LPP: variants seen among roughly 807,000 people sequenced by gnomAD.
LPP encodes the protein LIM domain containing preferred translocation partner in lipoma.
LPP carries 38 observed loss-of-function variants against 60.4 expected under a neutral mutation model. That is an observed-to-expected ratio of 0.63 (90% CI 0.49 to 0.83). The LOEUF is 0.83. LPP is among the 40% of genes least tolerant of loss of function. The pLI is 0.00. For synonymous variants in LPP, 328 were observed against 290.8 expected (o/e 1.13, Z -1.30); for missense variants, 902 against 783.6 (o/e 1.15, Z -1.80).
At chr3:188,333,105 G>A (rs1193941706) in intron 2 of LPP, among the ~76,000 whole-genome samples, 1 of 152,134 alleles carries the variant, frequency 6.6e-6, no homozygotes, top group East Asian at 1.9e-4. Context: ...ATAATCTCAT[G>A]ATAGTAGAAC....
intron 5 of LPP, among the ~76,000 whole-genome samples, chr3:188,510,692 G>A (rs549866427): frequency 8.5e-5 from 13 of 152,180 alleles, no homozygotes; most frequent in Non-Finnish European, 1.6e-4. Context: ...GACCCTTTGA[G>A]TCTGCTCTTA....
chr3:188,411,827 T>C (rs1784953494), intron 4 of LPP, among the ~76,000 whole-genome samples: 1 of 152,178 alleles, frequency 6.6e-6, no homozygotes, highest in African/African-American at 2.4e-5. Flanking sequence ...AAATGAACTT[T>C]CCTACTGTAC....
At chr3:188,230,294 C>T (rs1719412732) in intron 2 of LPP, among the ~76,000 whole-genome samples, 1 of 152,074 alleles carries the variant, frequency 6.6e-6, no homozygotes, top group African/African-American at 2.4e-5. Context: ...CCACATTGGC[C>T]AGAATGGTCT....
chr3:188,384,929 C>G (rs1471736974), intron 3 of LPP, among the ~76,000 whole-genome samples: 1 of 151,844 alleles, frequency 6.6e-6, no homozygotes, highest in Admixed American at 6.6e-5. Flanking sequence ...TGTGTTTACC[C>G]TATGGGTCAA....
At chr3:188,695,066 G>C (rs773111884) in intron 7 of LPP, among the ~76,000 whole-genome samples, 2 of 152,132 alleles carry the variant, frequency 1.3e-5, no homozygotes, top group Non-Finnish European at 2.9e-5. Context: ...TTGTACTCCA[G>C]CTTTCTCATT....
At chr3:188,635,390 C>T (rs1035265106) in intron 7 of LPP, among the ~76,000 whole-genome samples, 8 of 152,282 alleles carry the variant, frequency 5.3e-5, no homozygotes, top group East Asian at 3.9e-4. Flanking sequence ...ATAAATCTCA[C>T]GAGACAGCTT....
rs117546098 is a variant in LPP, at chr3:188,610,481, A to G, written c.1113+637A>G. Among the ~76,000 whole-genome samples, 12 of 152,378 alleles carry G rather than the reference A, an allele frequency of 7.9e-5. No homozygotes were observed. The East Asian group carries it at 2.3e-3, about 29-fold the overall frequency. ...AGTTTCTCCTTTGAGAAGGGGCTGC[A>G]GTATAATGCAGCTTGTTTGTGACCC... On this transcript the variant is annotated intron_variant, in intron 7 of 11. Coordinates refer to ENST00000617246, the MANE Select transcript of LPP (RefSeq NM_001375462.1). This position sits in a 1 kb window ranked among gnomAD's most constrained non-coding sequence, Gnocchi z 4.4.
At chr3:188,164,762 C>G (rs1445527932) in intron 1 of LPP, among the ~76,000 whole-genome samples, 1 of 152,122 alleles carries the variant, frequency 6.6e-6, no homozygotes, top group Non-Finnish European at 1.5e-5. Context: ...ATCTAGGGTT[C>G]CAGTAGTGAC....
In LPP at chr3:188,305,515, A is replaced by G. The variant is rs187035517; in HGVS notation, c.-66-36148A>G. Among the ~76,000 whole-genome samples the G allele has an allele frequency of 1.6e-4, 25 of 152,296 alleles. No homozygotes were observed. In the South Asian group the frequency reaches 2.9e-3, roughly 18 times the overall value. ...GTCCAGAGAGGCTCACAAAGTGTCA[A>G]TATTTGAGATGAGTTTTACTGGGTC... On this transcript the variant is annotated intron_variant, in intron 2 of 11. Transcript: ENST00000617246.
chr3:188,184,416 G>A (rs1725968794), intron 1 of LPP, among the ~76,000 whole-genome samples: 1 of 152,224 alleles, frequency 6.6e-6, no homozygotes, highest in South Asian at 2.1e-4. Flanking sequence ...GCCAGGGAGT[G>A]TGGGGAGAGA....
chr3:188,617,635 G>C (rs1845105811), intron 7 of LPP, among the ~76,000 whole-genome samples: 1 of 152,106 alleles, frequency 6.6e-6, no homozygotes, highest in Non-Finnish European at 1.5e-5. Flanking sequence ...CATCAGAATG[G>C]ATGTGCTGGT....
chr3:188,161,818 C>T (rs575716725), intron 1 of LPP, among the ~76,000 whole-genome samples: 3 of 152,140 alleles, frequency 2.0e-5, no homozygotes, highest in African/African-American at 7.2e-5. Context: ...GAAACTTGCG[C>T]TTCATACTTA....
chr3:188,837,580 T>C (rs1283605795), intron 9 of LPP, among the ~76,000 whole-genome samples: 1 of 151,968 alleles, frequency 6.6e-6, no homozygotes, highest in Non-Finnish European at 1.5e-5. Context: ...ATTCAGTCTG[T>C]TCTGCCAACC....
chr3:188,760,353 A>G, intron 9 of LPP, 71 bp downstream of exon 9: 1 of 1,500,300 alleles, frequency 6.7e-7, no homozygotes, highest in Non-Finnish European at 9.3e-7. Context: ...GTCACTCTAG[A>G]TAGAATATAG....
intron 4 of LPP, among the ~76,000 whole-genome samples, chr3:188,409,135 G>A (rs1029592044): frequency 2.0e-5 from 3 of 152,152 alleles, no homozygotes; most frequent in African/African-American, 7.2e-5. Flanking sequence ...CTGGGTGAGT[G>A]CACTGCTCAG....
chr3:188,812,265 C>T (rs1560238259), intron 9 of LPP, among the ~76,000 whole-genome samples: 1 of 152,174 alleles, frequency 6.6e-6, no homozygotes, highest in Non-Finnish European at 1.5e-5. Flanking sequence ...CAAAATTCCT[C>T]ACTACAATGC....
intron 7 of LPP, among the ~76,000 whole-genome samples, chr3:188,701,763 T>C (rs915856111): frequency 6.6e-6 from 1 of 151,712 alleles, no homozygotes. Flanking sequence ...TTTTTTTTTT[T>C]GAAAGTGTCA....
intron 9 of LPP, among the ~76,000 whole-genome samples, chr3:188,833,909 G>A (rs915432217): frequency 1.3e-5 from 2 of 152,122 alleles, no homozygotes; most frequent in African/African-American, 4.8e-5. Flanking sequence ...GTATTTTTCA[G>A]GGTGTATTTT....
chr3:188,801,851 T>C (rs141319694), intron 9 of LPP, among the ~76,000 whole-genome samples: 134 of 152,334 alleles, frequency 8.8e-4, no homozygotes, highest in African/African-American at 3.0e-3. Context: ...AATAGCATAG[T>C]ATCTTACAGA....
Sources: gnomAD v4.1 joint callset for allele counts (sites outside exome capture counted in the v4.1 genomes callset) on GRCh38, gnomAD v4.1.1 for gene constraint, Gnocchi (gnomAD v3.1) non-coding constraint, MANE v1.5 for transcripts, NCBI Gene and HGNC (gene_info 2026-07-23, HGNC 2026-07-21) for gene names.